The following DTX3L variants were observed in gnomAD, a reference collection of about 807,000 sequenced individuals.
DTX3L encodes the protein deltex E3 ubiquitin ligase 3L.
A neutral mutation model predicts 60.9 loss-of-function variants in DTX3L; 34 were observed. That is an observed-to-expected ratio of 0.56 (90% CI 0.42 to 0.74). The LOEUF is 0.74. DTX3L is among the 30% of genes least tolerant of loss of function. The pLI is 0.00. For synonymous variants in DTX3L, 290 were observed against 316.6 expected (o/e 0.92, Z 0.89); for missense variants, 810 against 874.0 (o/e 0.93, Z 0.92).
At position 122,568,310 on chromosome 3, in the gene DTX3L, GAAATAAATAAATAAATAAAT is replaced by G. The variant is rs10561562; in HGVS notation, c.400-157_400-138del. On this transcript the variant is annotated intron_variant, in intron 2 of 4. Coordinates refer to ENST00000296161, the MANE Select transcript of DTX3L (RefSeq NM_138287.3). ...GGTAACAAGAGTGAAACTCCATCTT[GAAATAAATAAATAAATAAAT>G]AAATAAATAAATAAATAAATAGGAT... Among the ~76,000 whole-genome samples the G allele has an allele frequency of 7.0e-3, 1,032 of 148,440 alleles. 6 individuals carry two copies. The highest frequency in any genetic ancestry group is 0.012 in the Non-Finnish European group (811 of 67,334).
At position 122,574,748 on chromosome 3, in the gene DTX3L, C is replaced by T. The variant is rs887095004; in HGVS notation, c.*3001C>T. 3.3e-5 allele frequency: 5 copies of T among 152,232 alleles called. No homozygotes were observed. Among genetic ancestry groups the T allele is most frequent in the Admixed American group, 2.6e-4 (4 of 15,290 alleles). The allele number at this position is 152,232 out of a possible 1,614,324, so 9.4% of individuals were successfully genotyped here. On this transcript the variant is annotated 3_prime_UTR_variant, in exon 5 of 5. Coordinates refer to ENST00000296161, the MANE Select transcript of DTX3L (RefSeq NM_138287.3). ...TGTACTGTCTCCCATGAGGGTACTT[C>T]TCCATGGAGCAGCCTGAGGCGATCC...
At chr3:122,564,722 T>C (rs1027867483) in intron 1 of DTX3L, 109 bp downstream of exon 1, 1 of 1,354,462 alleles carries the variant, frequency 7.4e-7, no homozygotes, top group African/African-American at 1.5e-5. Context: ...AGAAAGTATG[T>C]CACTGTGCGG....
Position 122,564,394 on chromosome 3 carries a change from C to G in DTX3L, c.-33C>G, listed in dbSNP as rs34377629. 83,125 of 1,584,432 alleles carry G rather than the reference C, an allele frequency of 0.052. 2,487 individuals carry two copies. Among genetic ancestry groups the G allele is most frequent in the Non-Finnish European group, 0.06 (70,088 of 1,167,276 alleles). On this transcript the variant is annotated 5_prime_UTR_variant, in exon 1 of 5. Transcript: ENST00000296161. ...GCGCCTTTACCGCCCAGCTGCCTCCCGGAGCCCCCGCGCCCTCCCGACGCG... is the reference window on the plus strand; with the variant it reads ...GCGCCTTTACCGCCCAGCTGCCTCCGGGAGCCCCCGCGCCCTCCCGACGCG...
At chr3:122,571,162 T>C (rs905100822) in intron 4 of DTX3L, among the ~76,000 whole-genome samples, 3 of 152,166 alleles carry the variant, frequency 2.0e-5, no homozygotes, top group African/African-American at 7.2e-5. Flanking sequence ...CCAAATAGGA[T>C]TCCTCAGACC....
rs1327052726 is a variant in DTX3L at position 122,572,144 on chromosome 3, A to T, written c.*397A>T. 1 of 161,618 alleles carries T rather than the reference A, an allele frequency of 6.2e-6. No individual in the cohort carries two copies. Among genetic ancestry groups the T allele is most frequent in the Non-Finnish European group, 1.4e-5 (1 of 73,320 alleles). 10.0% of individuals were successfully genotyped at this position (161,618 alleles called of 1,614,324 possible). On this transcript the variant is annotated 3_prime_UTR_variant, in exon 5 of 5. Coordinates refer to ENST00000296161, the MANE Select transcript of DTX3L (RefSeq NM_138287.3). ...TAGCCAGGATGGTCTCGATCTCCTGACCTCGTGATCCGCCCGCCTCAGCCT... is the reference window on the plus strand; with the variant it reads ...TAGCCAGGATGGTCTCGATCTCCTGTCCTCGTGATCCGCCCGCCTCAGCCT...
At position 122,570,002 on chromosome 3, in the gene DTX3L, C is replaced by G. The variant is rs753747569; in HGVS notation, c.1913C>G (p.Ser638Cys). The change falls in exon 3 of 5, where the codon TCT (serine) becomes TGT (cysteine). Residue 638 changes from serine (S) to cysteine (C), a missense_variant. By Grantham distance (112) the Ser-to-Cys change is moderately radical. Transcript: ENST00000296161. Reference sequence around the variant, plus strand: ...TTTGGCACCATTGTGATTACTTATTCTATGAAAGCAGGCATACAAACAGTA... The same window carrying G: ...TTTGGCACCATTGTGATTACTTATTGTATGAAAGCAGGCATACAAACAGTA... ...ESFGTIVITY[S>C]MKAGIQTEEH... The G allele has an allele frequency of 8.7e-6, 14 of 1,613,860 alleles. No homozygotes were observed. Among genetic ancestry groups the G allele is most frequent in the Non-Finnish European group, 1.2e-5 (14 of 1,180,034 alleles).
Position 122,570,484 on chromosome 3 carries a change from C to A in DTX3L, c.1965C>A (p.Tyr655Ter), listed in dbSNP as rs750668880. The change falls in exon 4 of 5, where the codon TAC (tyrosine) becomes TAA (stop). Residue 655 changes from tyrosine to a stop codon, truncating the protein, a stop_gained. Transcript: ENST00000296161. LOFTEE classifies it high-confidence loss of function. ...TEEHPNPGKR[Y>*]PGIQRTAYLP... ...AACACCCAAACCCAGGAAAGAGATA[C>A]CCTGGAATACAGCGAACTGCATACT... The A allele has an allele frequency of 6.2e-7, 1 of 1,613,976 alleles. No homozygotes were observed. The highest frequency in any genetic ancestry group is 2.2e-5 in the East Asian group (1 of 44,890).
At chr3:122,570,920 T>A (rs2080641005) in intron 4 of DTX3L, among the ~76,000 whole-genome samples, 1 of 152,208 alleles carries the variant, frequency 6.6e-6, no homozygotes, top group Admixed American at 6.5e-5. Context: ...GAATCCGAGA[T>A]GAATACTATA....
At chr3:122,566,456 T>C (rs1168336518) in intron 2 of DTX3L, among the ~76,000 whole-genome samples, 3 of 151,908 alleles carry the variant, frequency 2.0e-5, no homozygotes, top group Non-Finnish European at 4.4e-5. Context: ...AGAGTTGACC[T>C]CCTGGGCTCA....
intron 4 of DTX3L, among the ~76,000 whole-genome samples, chr3:122,571,409 C>T (rs930512288): frequency 3.9e-5 from 6 of 152,090 alleles, no homozygotes; most frequent in Non-Finnish European, 5.9e-5. Context: ...CCCTTTGATG[C>T]GAAATGTAAT....
In DTX3L at chr3:122,568,978, G is replaced by A. The variant is rs2080624344; in HGVS notation, c.889G>A (p.Glu297Lys). The A allele has an allele frequency of 6.2e-7, 1 of 1,614,000 alleles. No homozygotes were observed. The highest frequency in any genetic ancestry group is 8.5e-7 in the Non-Finnish European group (1 of 1,180,044). The change falls in exon 3 of 5, where the codon GAA becomes AAA. Residue 297 changes from glutamate (E) to lysine (K), a missense_variant. Transcript: ENST00000296161. ...LEAARESFAS[E>K]FQKNTEPLKQ... ...AGCAGCTCGTGAGTCTTTTGCTAGT[G>A]AATTTCAGAAGAACACAGAACCTCT...
Position 122,565,897 on chromosome 3 carries a change from CTTG to C in DTX3L, c.230_232del (p.Val77del), listed in dbSNP as rs745729800. 4 of 1,614,116 alleles carry C rather than the reference CTTG, an allele frequency of 2.5e-6. No individual in the cohort carries two copies. The highest frequency in any genetic ancestry group is 8.5e-7 in the Non-Finnish European group (1 of 1,180,012). ...GTTGAAAAAAGGAGAGCACCAAATACTTGTTGACGAAAAACCTGTGCCCATTTT... is the reference window on the plus strand; with the variant it reads ...GTTGAAAAAAGGAGAGCACCAAATACTTGACGAAAAACCTGTGCCCATTTT... On this transcript the variant is annotated inframe_deletion, in exon 2 of 5. Coordinates refer to ENST00000296161, the MANE Select transcript of DTX3L (RefSeq NM_138287.3).
chr3:122,564,716 AGTATGTCACTGTGCGGT>A (rs1462349008), intron 1 of DTX3L, 103 bp downstream of exon 1: 17 of 1,388,266 alleles, frequency 1.2e-5, no homozygotes, highest in Non-Finnish European at 1.5e-5. Flanking sequence ...GGCGGGAGAA[AGTATGTCACTGTGCGGT>A]GGCGGACAGG....
intron 4 of DTX3L, among the ~76,000 whole-genome samples, chr3:122,571,364 G>A (rs568076767): frequency 3.8e-4 from 58 of 152,192 alleles, no homozygotes; most frequent in Non-Finnish European, 6.5e-4. Context: ...GTAAATCAAC[G>A]TATTACTATT....
rs755999363 is a variant in DTX3L, at chr3:122,569,820, C to A, written c.1731C>A (p.Cys577Ter). Reference sequence around the variant, plus strand: ...GTAACAAAAAAGTGCTACCAAAGTGCAAGCATGAATTCTGCGCCCCTTGTA... The same window carrying A: ...GTAACAAAAAAGTGCTACCAAAGTGAAAGCATGAATTCTGCGCCCCTTGTA... ...TISNKKVLPK[C>*]KHEFCAPCIN... is the part of the protein sequence containing the mutation. The change falls in exon 3 of 5, where the codon TGC becomes TGA. Residue 577 changes from cysteine (C) to a stop codon, truncating the protein, a stop_gained. Coordinates refer to ENST00000296161, the MANE Select transcript of DTX3L (RefSeq NM_138287.3). LOFTEE classifies it high-confidence loss of function. The A allele has an allele frequency of 1.8e-5, 29 of 1,614,004 alleles. No homozygotes were observed. The highest frequency in any genetic ancestry group is 2.4e-5 in the Non-Finnish European group (28 of 1,180,036).
Position 122,571,916 on chromosome 3 carries a change from A to G in DTX3L, c.*169A>G, listed in dbSNP as rs752023869. ...GCTAGTCTGTCATTTCTGGAGTGATACTTTTTTTTTTGAGACGGAGTCTGC... is the reference window on the plus strand; with the variant it reads ...GCTAGTCTGTCATTTCTGGAGTGATGCTTTTTTTTTTGAGACGGAGTCTGC... On this transcript the variant is annotated 3_prime_UTR_variant, in exon 5 of 5. Transcript: ENST00000296161. 9.1e-6 allele frequency: 5 copies of G among 548,648 alleles called. No homozygotes were observed. Among genetic ancestry groups the G allele is most frequent in the Non-Finnish European group, 1.6e-5 (5 of 317,912 alleles). The allele number at this position is 548,648 out of a possible 1,614,324, so 34.0% of individuals were successfully genotyped here.
rs779783162 is a variant in DTX3L, at chr3:122,568,622, TC to T, written c.535del (p.Gln179LysfsTer10). On this transcript the variant is annotated frameshift_variant, in exon 3 of 5. Transcript: ENST00000296161. LOFTEE classifies it high-confidence loss of function. Reference protein sequence around the residue: ...HDGIEKVCGDFQDIERIHQFL... With the variant: ...HDGIEKVCGDXQDIERIHQFL... ...GGAATTGAGAAGGTGTGTGGTGACT[TC>T]CAAGACATTGAAAGAATACATCAAT... 18 of 1,614,168 alleles carry T rather than the reference TC, an allele frequency of 1.1e-5. No homozygotes were observed. Among genetic ancestry groups the T allele is most frequent in the Non-Finnish European group, 1.3e-5 (15 of 1,180,022 alleles).
intron 4 of DTX3L, 35 bp downstream of exon 4, chr3:122,570,707 A>G: frequency 6.2e-7 from 1 of 1,605,772 alleles, no homozygotes; most frequent in Non-Finnish European, 8.5e-7. Flanking sequence ...GCTGCTCAAC[A>G]GAGTATAGGG....
intron 1 of DTX3L, 139 bp downstream of exon 1, chr3:122,564,752 C>A: frequency 9.1e-7 from 1 of 1,097,638 alleles, no homozygotes; most frequent in Non-Finnish European, 1.3e-6. Context: ...GGGACGGGGC[C>A]CTACTGCCAA....
Sources: allele counts gnomAD v4.1 joint callset (sites outside exome capture counted in the v4.1 genomes callset), GRCh38; gene constraint gnomAD v4.1.1; transcripts MANE v1.5; gene names NCBI Gene and HGNC (gene_info 2026-07-23, HGNC 2026-07-21).